The following UTRN variants were observed in gnomAD, a reference collection of about 807,000 sequenced individuals.
The protein encoded by UTRN is utrophin, also known as dystrophin-related protein 1.
In UTRN, 283 loss-of-function variants were observed where a neutral mutation model predicts 463.9. That is an observed-to-expected ratio of 0.61 (90% CI 0.55 to 0.67). The LOEUF is 0.67. Ranked by LOEUF, UTRN falls within the 30% of genes least tolerant of loss-of-function variation. The pLI is 0.00. For missense variants in UTRN, 3,922 were observed against 4,084.3 expected (o/e 0.96, Z 1.08); for synonymous variants, 1,442 against 1,431.5 (o/e 1.01, Z -0.17).
chr6:144,687,981 C>T (rs1289213806), intron 52 of UTRN, among the ~76,000 whole-genome samples: 1 of 152,190 alleles, frequency 6.6e-6, no homozygotes, highest in Non-Finnish European at 1.5e-5. Context: ...TCAGGAACAC[C>T]AGTGATTCTT....
At chr6:144,455,810 A>G (rs896533272) in intron 19 of UTRN, among the ~76,000 whole-genome samples, 6 of 152,154 alleles carry the variant, frequency 3.9e-5, no homozygotes, top group African/African-American at 1.4e-4. Context: ...TCAGGTGACT[A>G]TTAGTTTATT....
At chr6:144,610,085 C>T (rs1414465397) in intron 51 of UTRN, among the ~76,000 whole-genome samples, 1 of 146,828 alleles carries the variant, frequency 6.8e-6, no homozygotes, top group African/African-American at 2.5e-5. Flanking sequence ...AAGATCAGAG[C>T]CAAAATAAAT....
At chr6:144,441,511 C>A (rs1268724393) in intron 13 of UTRN, among the ~76,000 whole-genome samples, 1 of 152,230 alleles carries the variant, frequency 6.6e-6, no homozygotes, top group African/African-American at 2.4e-5. Context: ...GGCAGTGCTG[C>A]CTCTGTGGCT....
At chr6:144,394,781 G>T (rs1165407602) in intron 2 of UTRN, among the ~76,000 whole-genome samples, 1 of 151,660 alleles carries the variant, frequency 6.6e-6, no homozygotes, top group African/African-American at 2.4e-5. Context: ...TTTATTCTGT[G>T]AATTTATGAG....
chr6:144,774,805 T>C (rs946440346), intron 60 of UTRN, among the ~76,000 whole-genome samples: 5 of 152,186 alleles, frequency 3.3e-5, no homozygotes, highest in African/African-American at 9.6e-5. Flanking sequence ...ACAAGTGAGA[T>C]AAAAGGCTCT....
rs1301429453 is a variant in UTRN at position 144,493,280 on chromosome 6, TTTTC to T, written c.4438-17_4438-14del. 1.9e-6 allele frequency: 3 copies of T among 1,612,652 alleles called. No homozygotes were observed. Among genetic ancestry groups the T allele is most frequent in the Admixed American group, 1.7e-5 (1 of 59,924 alleles). ...TGTCACCACAGTGTGTAATTTGTCT[TTTTC>T]TTTGTTTGTTTTAAAGAAACTGTAT... On this transcript the variant is annotated splice_polypyrimidine_tract_variant and intron_variant, in intron 32 of 74. Coordinates refer to ENST00000367545, the MANE Select transcript of UTRN (RefSeq NM_007124.3).
At chr6:144,752,608 G>A (rs1365338350) in intron 56 of UTRN, among the ~76,000 whole-genome samples, 1 of 152,178 alleles carries the variant, frequency 6.6e-6, no homozygotes, top group Non-Finnish European at 1.5e-5. Flanking sequence ...TAAGAAATTA[G>A]TGTACAATAT....
chr6:144,695,144 A>G (rs1783856840), intron 52 of UTRN, among the ~76,000 whole-genome samples: 1 of 152,102 alleles, frequency 6.6e-6, no homozygotes. Flanking sequence ...CTAATTTATC[A>G]TAATTTTTTA....
chr6:144,743,048 A>G (rs1790280128), intron 54 of UTRN, among the ~76,000 whole-genome samples: 1 of 152,212 alleles, frequency 6.6e-6, no homozygotes, highest in African/African-American at 2.4e-5. Flanking sequence ...AAGAAAAATG[A>G]AGTGAAAATA....
At position 144,539,359 on chromosome 6, in the gene UTRN, G is replaced by C; in HGVS notation, c.6435G>C (p.Glu2145Asp). 2 of 1,613,474 alleles carry C rather than the reference G, an allele frequency of 1.2e-6. No individual in the cohort carries two copies. Among genetic ancestry groups the C allele is most frequent in the Non-Finnish European group, 8.5e-7 (1 of 1,179,718 alleles). ...AATGGCTGAATAGAACTGAATTGGA[G>C]ATGCTTTCAGATAAAAGTCTGAGTT... ...KLKWLNRTEL[E>D]MLSDKSLSLP... Residue 2145 changes from glutamate (E) to aspartate (D), a missense_variant, in exon 45 of 75, where the codon GAG (glutamate) becomes GAC (aspartate). Glu to Asp is a conservative substitution (Grantham distance 45). Transcript: ENST00000367545.
chr6:144,358,631 A>G (rs1252950852), intron 2 of UTRN, among the ~76,000 whole-genome samples: 2 of 152,072 alleles, frequency 1.3e-5, no homozygotes, highest in Non-Finnish European at 2.9e-5. Flanking sequence ...ACATTCCAGT[A>G]TTCTTTCTTT....
At chr6:144,758,675 G>A (rs1466802192) in intron 58 of UTRN, among the ~76,000 whole-genome samples, 1 of 152,016 alleles carries the variant, frequency 6.6e-6, no homozygotes, top group Non-Finnish European at 1.5e-5. Context: ...CCTTGGCTTA[G>A]GGCTATATAT....
At chr6:144,770,453 G>A (rs2128732320) in intron 58 of UTRN, among the ~76,000 whole-genome samples, 1 of 152,182 alleles carries the variant, frequency 6.6e-6, no homozygotes, top group East Asian at 1.9e-4. Flanking sequence ...TAGGTACTAT[G>A]CTGGTTCATT....
intron 2 of UTRN, among the ~76,000 whole-genome samples, chr6:144,377,588 A>AT (rs938394190): frequency 3.3e-5 from 5 of 151,950 alleles, no homozygotes; most frequent in African/African-American, 1.2e-4. Context: ...GATTGTTGCT[A>AT]TTTTTTCTAC....
At chr6:144,639,162 A>G (rs1349163964) in intron 51 of UTRN, among the ~76,000 whole-genome samples, 1 of 152,184 alleles carries the variant, frequency 6.6e-6, no homozygotes, top group Non-Finnish European at 1.5e-5. Flanking sequence ...AAGATCTTTG[A>G]TGACCTTACT....
intron 2 of UTRN, among the ~76,000 whole-genome samples, chr6:144,310,795 C>T (rs1403931355): frequency 2.6e-5 from 4 of 152,126 alleles, no homozygotes; most frequent in African/African-American, 4.8e-5. Flanking sequence ...AACAAACAAA[C>T]AAAAAACAAA....
chr6:144,431,623 G>A (rs1158683843), intron 9 of UTRN, among the ~76,000 whole-genome samples: 5 of 152,192 alleles, frequency 3.3e-5, no homozygotes, highest in African/African-American at 7.2e-5. Context: ...GAACATTTGT[G>A]TTTAGATAGT....
At chr6:144,684,176 A>G (rs1782504351) in intron 52 of UTRN, among the ~76,000 whole-genome samples, 1 of 151,758 alleles carries the variant, frequency 6.6e-6, no homozygotes, top group Non-Finnish European at 1.5e-5. Context: ...CAGCCTCCCA[A>G]GTAGCTGGGA....
chr6:144,379,892 C>T (rs549476237), intron 2 of UTRN, among the ~76,000 whole-genome samples: 1 of 152,184 alleles, frequency 6.6e-6, no homozygotes, highest in South Asian at 2.1e-4. Context: ...GGAAATCTAA[C>T]TTGTAGAGGA....
Sources: gnomAD v4.1 joint callset for allele counts (sites outside exome capture counted in the v4.1 genomes callset) on GRCh38, gnomAD v4.1.1 for gene constraint, MANE v1.5 for transcripts, NCBI Gene and HGNC (gene_info 2026-07-23, HGNC 2026-07-21) for gene names.